TSNARE1: variants seen among roughly 807,000 people sequenced by gnomAD.
TSNARE1 encodes t-SNARE domain containing 1.
In TSNARE1, 49 loss-of-function variants were observed where a neutral mutation model predicts 62.0. The observed-to-expected ratio is 0.79, with a 90% CI of 0.63 to 1.00. TSNARE1 has a LOEUF of 1.00. Among genes scored for constraint, TSNARE1 ranks in the 50% least tolerant of loss-of-function variants. The pLI, the probability that TSNARE1 is intolerant of heterozygous loss-of-function variation, is 0.00. For missense variants in TSNARE1, 755 were observed against 700.1 expected, an observed-to-expected ratio of 1.08 and a Z score of -0.88; for synonymous variants, 328 against 294.4, an observed-to-expected ratio of 1.11 and a Z score of -1.17.
At chr8:142,369,057 AG>A (rs1362149500) in intron 1 of TSNARE1, among the ~76,000 whole-genome samples, 1 of 152,224 alleles carries the variant, frequency 6.6e-6, no homozygotes, top group East Asian at 1.9e-4. Flanking sequence ...CCTGAGACTG[AG>A]GCTGCAATGA....
chr8:142,234,856 C>T (rs1038213411), intron 12 of TSNARE1, among the ~76,000 whole-genome samples: 2 of 151,912 alleles, frequency 1.3e-5, no homozygotes, highest in African/African-American at 4.8e-5. Flanking sequence ...GAAGTCCCCT[C>T]GTCCCCCCAC....
chr8:142,276,754 C>A (rs1820569766), intron 11 of TSNARE1: 11 of 985,408 alleles, frequency 1.1e-5, no homozygotes, highest in Non-Finnish European at 1.3e-5. Flanking sequence ...GGAGGCCCAC[C>A]CTCAGAATGG....
intron 4 of TSNARE1, among the ~76,000 whole-genome samples, chr8:142,335,454 G>C (rs984994724): frequency 6.6e-6 from 1 of 152,202 alleles, no homozygotes. Flanking sequence ...ACATGATACG[G>C]TGCTACTTGA....
Position 142,363,227 on chromosome 8 carries a change from G to A in TSNARE1, c.-39-8464C>T, listed in dbSNP as rs564710289. 2.0e-5 allele frequency among the ~76,000 whole-genome samples: 3 copies of A among 152,328 alleles called. No homozygotes were observed. In the East Asian group the frequency reaches 5.8e-4, roughly 29 times the overall value. ...CATGTGGCCCAGAGGAAGCAGCAGG[G>A]CCTGGTGAGGAAAGCGGGGAGCCTC... On this transcript the variant is annotated intron_variant, in intron 1 of 13. Coordinates refer to ENST00000524325, the MANE Select transcript of TSNARE1 (RefSeq NM_145003.5).
intron 7 of TSNARE1, among the ~76,000 whole-genome samples, chr8:142,317,439 G>A (rs539476780): frequency 1.2e-4 from 18 of 150,008 alleles, no homozygotes; most frequent in Admixed American, 3.3e-4. Context: ...CACATCAAGC[G>A]GGTGTGGGCA....
chr8:142,364,815 T>G (rs540003953), intron 1 of TSNARE1, among the ~76,000 whole-genome samples: 2 of 151,984 alleles, frequency 1.3e-5, no homozygotes, highest in East Asian at 1.9e-4. Context: ...AAATAAAAAT[T>G]TATGAGTCCA....
intron 13 of TSNARE1, among the ~76,000 whole-genome samples, chr8:142,214,133 A>G (rs1480960537): frequency 6.6e-6 from 1 of 152,198 alleles, no homozygotes; most frequent in African/African-American, 2.4e-5. Context: ...CGACTCTGAC[A>G]TAGCCAAGGT....
intron 12 of TSNARE1, among the ~76,000 whole-genome samples, chr8:142,253,764 G>A (rs1419536526): frequency 2.6e-5 from 4 of 152,218 alleles, no homozygotes; most frequent in Admixed American, 6.5e-5. Flanking sequence ...AGGACCCTGC[G>A]GCTGGTCAGT....
chr8:142,275,114 T>C, intron 11 of TSNARE1: 1 of 984,954 alleles, frequency 1.0e-6, no homozygotes, highest in African/African-American at 1.7e-5. Flanking sequence ...CCACACCAGG[T>C]GGGGCAGGAA....
At chr8:142,283,130 G>A (rs1301884875) in intron 11 of TSNARE1, among the ~76,000 whole-genome samples, 2 of 150,940 alleles carry the variant, frequency 1.3e-5, no homozygotes, top group African/African-American at 2.5e-5. Context: ...ATGAGCAGAG[G>A]CGGGGCCAGT....
chr8:142,314,579 G>A (rs1828222408), intron 8 of TSNARE1, 139 bp from the exon 9 acceptor site: 1 of 730,280 alleles, frequency 1.4e-6, no homozygotes, highest in East Asian at 2.7e-5. Flanking sequence ...AGGCTGCCGG[G>A]GCCGGGGCTG....
chr8:142,315,784 G>A (rs1008199499), intron 7 of TSNARE1, among the ~76,000 whole-genome samples: 2 of 152,228 alleles, frequency 1.3e-5, no homozygotes, highest in Non-Finnish European at 2.9e-5. Flanking sequence ...GAGGATTGGA[G>A]AGAGCCAAGG....
intron 13 of TSNARE1, among the ~76,000 whole-genome samples, chr8:142,221,065 TGA>T (rs956578211): frequency 1.3e-5 from 2 of 152,218 alleles, no homozygotes; most frequent in South Asian, 2.1e-4. Context: ...GAGTGGTCAG[TGA>T]GAGAGAGATC....
At chr8:142,271,329 G>A in intron 12 of TSNARE1, 2 of 1,157,774 alleles carry the variant, frequency 1.7e-6, no homozygotes, top group Non-Finnish European at 2.1e-6. Context: ...AGCCGCTGCA[G>A]CAGCAGGTTT....
At chr8:142,375,449 CGCAGGCCCTGGCAGG>C (rs1187679304) in intron 1 of TSNARE1, among the ~76,000 whole-genome samples, 1 of 152,212 alleles carries the variant, frequency 6.6e-6, no homozygotes, top group African/African-American at 2.4e-5. Context: ...CAGAGGATGG[CGCAGGCCCTGGCAGG>C]GCAGGCACTG....
Position 142,398,292 on chromosome 8 carries a change from TCCCCAGCCCTGCCCAAAACACAC to T in TSNARE1, c.-40+4789_-40+4811del, listed in dbSNP as rs1384286032. On this transcript the variant is annotated intron_variant, in intron 1 of 13. Coordinates refer to ENST00000524325, the MANE Select transcript of TSNARE1 (RefSeq NM_145003.5). ...CACCCCTAGCCCTGCCCAAAACATGTCCCCAGCCCTGCCCAAAACACACCCCCAGCCCTGCCCAAAACACACCC... is the reference window on the plus strand; with the variant it reads ...CACCCCTAGCCCTGCCCAAAACATGTCCCCAGCCCTGCCCAAAACACACCC... Among the ~76,000 whole-genome samples the T allele has an allele frequency of 3.8e-3, 307 of 81,086 alleles. 2 individuals are homozygous for T. The highest frequency in any genetic ancestry group is 6.5e-3 in the Non-Finnish European group (247 of 38,240). The allele number at this position is 81,086 out of a possible 152,430, so 53.2% of individuals were successfully genotyped here.
intron 12 of TSNARE1, among the ~76,000 whole-genome samples, chr8:142,256,385 TCACCAATACCACCAGCAGCAAC>T (rs1818571831): frequency 7.2e-3 from 9 of 1,252 alleles, no homozygotes; most frequent in African/African-American, 0.015. Flanking sequence ...ACCATCATCA[TCACCAATACCACCAGCAGCAAC>T]CACCATCATT....
At chr8:142,300,262 A>G in intron 10 of TSNARE1, 2 of 508,040 alleles carry the variant, frequency 3.9e-6, no homozygotes, top group Non-Finnish European at 6.9e-6. Context: ...AGGGAAACCC[A>G]GGAAGGAGGG....
chr8:142,213,841 A>G (rs1815693102), intron 13 of TSNARE1, among the ~76,000 whole-genome samples: 1 of 151,992 alleles, frequency 6.6e-6, no homozygotes, highest in Admixed American at 6.5e-5. Flanking sequence ...GGCGGAGCTG[A>G]GCCAAGGCAC....
Sources: allele counts gnomAD v4.1 joint callset (sites outside exome capture counted in the v4.1 genomes callset), GRCh38; gene constraint gnomAD v4.1.1; transcripts MANE v1.5; gene names NCBI Gene and HGNC (gene_info 2026-07-23, HGNC 2026-07-21).